Variants in TXNDC11 observed in about 807,000 individuals in gnomAD.
TXNDC11 encodes the protein thioredoxin domain-containing protein 11.
Under a neutral mutation model 78.0 loss-of-function variants are expected in TXNDC11, and 68 were observed. The observed-to-expected ratio is 0.87, with a 90% CI of 0.72 to 1.07. The LOEUF (loss-of-function observed/expected upper bound fraction) is 1.07, where lower values mean the gene tolerates loss of function less well. TXNDC11 is among the 50% of genes least tolerant of loss of function. TXNDC11 has a pLI of 0.00. For missense variants in TXNDC11, 1,389 were observed against 1,221.8 expected, an observed-to-expected ratio of 1.14 and a Z score of -2.04; for synonymous variants, 571 against 495.2, an observed-to-expected ratio of 1.15 and a Z score of -2.03.
At position 11,679,790 on chromosome 16, in the gene TXNDC11, G is replaced by A; in HGVS notation, c.2282C>T (p.Pro761Leu). 6.2e-7 allele frequency: 1 copy of A among 1,614,060 alleles called. No individual in the cohort carries two copies. The change falls in exon 12 of 12, where the codon CCA becomes CTA. Residue 761 changes from proline (P) to leucine (L), a missense_variant. Transcript: ENST00000283033. This position sits in a 1 kb window ranked among gnomAD's most constrained non-coding sequence, Gnocchi z 4.6. ...KYPEDVPITL[P>L]NLLRFILHHS... is the part of the protein sequence containing the mutation. ...ATGCAAAATGAACCTCAACAGGTTTGGAAGGGTGATGGGGACGTCTTCGGG... is the reference window on the plus strand; with the variant it reads ...ATGCAAAATGAACCTCAACAGGTTTAGAAGGGTGATGGGGACGTCTTCGGG...
chr16:11,711,464 C>A (rs1171574727), intron 5 of TXNDC11, among the ~76,000 whole-genome samples: 4 of 152,170 alleles, frequency 2.6e-5, no homozygotes, highest in Non-Finnish European at 5.9e-5. Context: ...TTGACTTTTC[C>A]AGCTCCAAAG....
chr16:11,728,245 C>G (rs969182633), intron 4 of TXNDC11, among the ~76,000 whole-genome samples: 1 of 152,134 alleles, frequency 6.6e-6, no homozygotes, highest in Non-Finnish European at 1.5e-5. Flanking sequence ...ATTTTCTAGG[C>G]TGTGCTATTT....
chr16:11,742,509 GCAGCC>G lies in TXNDC11; in HGVS notation c.217_221del (p.Gly73ArgfsTer35). ...TGAACTTGAGGGCGAGGAGCAGCGC[GCAGCC>G]GAGCGCCACGGCCCCGCAGAGCAGC... On this transcript the variant is annotated frameshift_variant, in exon 1 of 12. Transcript: ENST00000283033. LOFTEE classifies it high-confidence loss of function. 6.9e-7 allele frequency: 1 copy of G among 1,454,060 alleles called. No homozygotes were observed. The highest frequency in any genetic ancestry group is 1.3e-5 in the South Asian group (1 of 74,668). 90.1% of individuals were successfully genotyped at this position (1,454,060 alleles called of 1,614,324 possible).
chr16:11,685,977 G>A (rs1210018205), intron 10 of TXNDC11, among the ~76,000 whole-genome samples: 1 of 150,612 alleles, frequency 6.6e-6, no homozygotes, highest in Admixed American at 6.6e-5. Context: ...TTTTTTTTCT[G>A]AGACACAGTC....
rs574472749 is a variant in TXNDC11 at position 11,710,541 on chromosome 16, C to T, written c.794-9977G>A. 3.9e-5 allele frequency among the ~76,000 whole-genome samples: 6 copies of T among 152,274 alleles called. No individual in the cohort carries two copies. The East Asian group carries it at 1.2e-3, about 29-fold the overall frequency. On this transcript the variant is annotated intron_variant, in intron 5 of 11. Transcript: ENST00000283033. The stretch of plus-strand genomic sequence containing the variant: ...AAAGGCCGCTGGGCCATGATTATAC[C>T]AGGATACTTGCTATTAAAATGACTA...
At position 11,698,764 on chromosome 16, in the gene TXNDC11, A is replaced by C. The variant is rs182527983; in HGVS notation, c.907-439T>G. 1.4e-4 allele frequency among the ~76,000 whole-genome samples: 21 copies of C among 152,230 alleles called. No homozygotes were observed. In the South Asian group the frequency reaches 1.4e-3, roughly 11 times the overall value. On this transcript the variant is annotated intron_variant, in intron 6 of 11. Transcript: ENST00000283033. ...CTTGGTCCTTCAAATGCTGCCCCCA[A>C]GGGCAGCATGGAGCCTCCGTGCGGC...
At position 11,679,692 on chromosome 16, in the gene TXNDC11, C is replaced by T. The variant is rs781282413; in HGVS notation, c.2380G>A (p.Val794Ile). 2.5e-6 allele frequency: 4 copies of T among 1,614,248 alleles called. No homozygotes were observed. The highest frequency in any genetic ancestry group is 3.4e-6 in the Non-Finnish European group (4 of 1,180,048). ...PTKECLQSEAVLQRGHISHLE... is the reference protein window; with the variant it reads ...PTKECLQSEAILQRGHISHLE... ...TGGGAGATGTGCCCCCGCTGTAAGA[C>T]TGCCTCGCTCTGAAGACACTCCTTG... Residue 794 changes from valine (V) to isoleucine (I), a missense_variant, in exon 12 of 12, where the codon GTC becomes ATC. Transcript: ENST00000283033. The surrounding 1 kb of genome is among the most constrained non-coding windows in gnomAD (Gnocchi z 4.6).
At chr16:11,741,325 G>C (rs1286721374) in intron 1 of TXNDC11, among the ~76,000 whole-genome samples, 1 of 152,156 alleles carries the variant, frequency 6.6e-6, no homozygotes, top group African/African-American at 2.4e-5. Flanking sequence ...CTGTGGATTT[G>C]GGAGACCAGA....
rs1241149177 is a variant in TXNDC11 at position 11,679,825 on chromosome 16, A to G, written c.2247T>C (p.Ser749=). ...LFFPCNRKDL[S]VKYPEDVPIT... is the part of the protein sequence containing the mutation. ...TGGGGACGTCTTCGGGGTATTTCAC[A>G]CTTAGGTCCTTTCTGGAGAGAGAGG... is the stretch of plus-strand genomic sequence containing the variant. Residue 749 remains serine, a synonymous_variant, in exon 12 of 12, where the codon AGT becomes AGC. Coordinates refer to ENST00000283033, the MANE Select transcript of TXNDC11 (RefSeq NM_015914.7). The surrounding 1 kb of genome is among the most constrained non-coding windows in gnomAD (Gnocchi z 4.6). 4 of 1,610,698 alleles carry G rather than the reference A, an allele frequency of 2.5e-6. No homozygotes were observed. Among genetic ancestry groups the G allele is most frequent in the South Asian group, 1.1e-5 (1 of 91,016 alleles).
chr16:11,687,873 T>C lies in TXNDC11; in HGVS notation c.2137A>G (p.Thr713Ala), dbSNP rs1425880117. The C allele has an allele frequency of 6.2e-7, 1 of 1,613,038 alleles. No homozygotes were observed. Among genetic ancestry groups the C allele is most frequent in the Non-Finnish European group, 8.5e-7 (1 of 1,179,194 alleles). Residue 713 changes from threonine (T) to alanine (A), a missense_variant, in exon 10 of 12, where the codon ACA becomes GCA. Thr to Ala is a moderately conservative substitution (Grantham distance 58). Coordinates refer to ENST00000283033, the MANE Select transcript of TXNDC11 (RefSeq NM_015914.7). ...CCTGCTTACCTTGCCACAGTGAATG[T>C]GTCCATGGGCAGGTTCCGAGCTAGC... The part of the protein sequence containing the change: ...IQLARNLPMD[T>A]FTVARIDVSQ...
chr16:11,686,289 CAT>C (rs2050566205), intron 10 of TXNDC11, among the ~76,000 whole-genome samples: 1 of 152,196 alleles, frequency 6.6e-6, no homozygotes, highest in African/African-American at 2.4e-5. Flanking sequence ...GAAGAGTTGT[CAT>C]ATATTTCATA....
At position 11,691,159 on chromosome 16, in the gene TXNDC11, TAA is replaced by T. The variant is rs2050702457; in HGVS notation, c.1900+129_1900+130del. The T allele has an allele frequency of 4.0e-6, 3 of 742,466 alleles. No individual in the cohort carries two copies. The East Asian group carries it at 7.7e-5, about 19-fold the overall frequency. 46.0% of individuals were successfully genotyped at this position (742,466 alleles called of 1,614,324 possible). A position where few individuals can be genotyped will look rare whatever the true frequency, so the allele number is the denominator to read the frequency against. On this transcript the variant is annotated intron_variant, in intron 8 of 11. Coordinates refer to ENST00000283033, the MANE Select transcript of TXNDC11 (RefSeq NM_015914.7). ...TTGAAAATTATGACTGATGGTGGTC[TAA>T]AGACTTAAAATGAGCTACGAAGGTG...
chr16:11,689,946 G>A lies in TXNDC11; in HGVS notation c.1900+1344C>T, dbSNP rs2050664613. The A allele has an allele frequency of 2.0e-5, 3 of 152,184 alleles. No individual in the cohort carries two copies. In the South Asian group the frequency reaches 6.2e-4, roughly 32 times the overall value. The allele number at this position is 152,184 out of a possible 1,614,324, so 9.4% of individuals were successfully genotyped here. A position where few individuals can be genotyped will look rare whatever the true frequency, so the allele number is the denominator to read the frequency against. On this transcript the variant is annotated intron_variant, in intron 8 of 11. Transcript: ENST00000283033. Reference sequence around the variant, plus strand: ...TCTTTTACACAGTGAGGAACTCTTGGATTTATAATATGTAACTTGATATAG... The same window carrying A: ...TCTTTTACACAGTGAGGAACTCTTGAATTTATAATATGTAACTTGATATAG...
At chr16:11,714,659 A>C (rs2051474616) in intron 5 of TXNDC11, among the ~76,000 whole-genome samples, 1 of 151,738 alleles carries the variant, frequency 6.6e-6, no homozygotes, top group South Asian at 2.1e-4. Context: ...AAAAATTTCC[A>C]ATCTGACAGA....
At position 11,736,371 on chromosome 16, in the gene TXNDC11, G is replaced by A. The variant is rs371808152; in HGVS notation, c.255-138C>T. 1.6e-4 allele frequency: 102 copies of A among 648,962 alleles called. No individual in the cohort carries two copies. In the East Asian group the frequency reaches 2.0e-3, roughly 13 times the overall value. The allele number at this position is 648,962 out of a possible 1,614,324, so 40.2% of individuals were successfully genotyped here. ...AGTCCCAAAATCACTGCCCTAGAAA[G>A]GCAACATCTGGCTGAGCAAATGCAA... On this transcript the variant is annotated intron_variant, in intron 1 of 11. Transcript: ENST00000283033.
At chr16:11,709,378 G>A (rs1027471092) in intron 5 of TXNDC11, among the ~76,000 whole-genome samples, 1 of 147,192 alleles carries the variant, frequency 6.8e-6, no homozygotes, top group African/African-American at 2.5e-5. Flanking sequence ...TCAGCCTCCC[G>A]AGTAGCTGAG....
intron 11 of TXNDC11, among the ~76,000 whole-genome samples, chr16:11,681,824 G>A (rs1173718457): frequency 6.6e-6 from 1 of 152,136 alleles, no homozygotes; most frequent in Non-Finnish European, 1.5e-5. Flanking sequence ...CTCCCTCAAG[G>A]CCCCACCCCT....
chr16:11,691,662 T>A lies in TXNDC11; in HGVS notation c.1528A>T (p.Arg510Trp), dbSNP rs1391113180. The A allele has an allele frequency of 6.2e-7, 1 of 1,614,100 alleles. No individual in the cohort carries two copies. Among genetic ancestry groups the A allele is most frequent in the African/African-American group, 1.3e-5 (1 of 74,944 alleles). Residue 510 changes from arginine to tryptophan, a missense_variant, in exon 8 of 12, where the codon AGG becomes TGG. Arg to Trp is a moderately radical substitution (Grantham distance 101). Transcript: ENST00000283033. Reference sequence around the variant, plus strand: ...CCTGACACACCCCTGCTTATGGTCCTGCAACATGCAGTGTAGTAGCTGAAG... The same window carrying A: ...CCTGACACACCCCTGCTTATGGTCCAGCAACATGCAGTGTAGTAGCTGAAG... ...SPFSYYTACC[R>W]TISRGVSGFI...
chr16:11,709,601 A>T (rs977611800), intron 5 of TXNDC11, among the ~76,000 whole-genome samples: 1 of 150,858 alleles, frequency 6.6e-6, no homozygotes, highest in African/African-American at 2.4e-5. Context: ...TGCCCGGCTA[A>T]TTTTTTTGTA....
Sources: allele counts gnomAD v4.1 joint callset (sites outside exome capture counted in the v4.1 genomes callset), GRCh38; gene constraint gnomAD v4.1.1; non-coding constraint Gnocchi (gnomAD v3.1); transcripts MANE v1.5; gene names NCBI Gene and HGNC (gene_info 2026-07-23, HGNC 2026-07-21).